SNCAIP: variants seen among roughly 807,000 people sequenced by gnomAD.
The protein encoded by SNCAIP is synphilin-1.
A neutral mutation model predicts 86.7 loss-of-function variants in SNCAIP; 43 were observed. The ratio of observed to expected loss-of-function variants is 0.50; its 90% CI spans 0.39 to 0.64. The LOEUF is 0.64. Among genes scored for constraint, SNCAIP ranks in the 30% least tolerant of loss-of-function variants. The pLI, the probability that SNCAIP is intolerant of heterozygous loss-of-function variation, is 0.00. For missense variants in SNCAIP, 981 were observed against 1,103.1 expected (o/e 0.89, Z 1.57); for synonymous variants, 417 against 427.2 (o/e 0.98, Z 0.29).
chr5:122,375,412 TG>T (rs1320180672), intron 1 of SNCAIP, among the ~76,000 whole-genome samples: 1 of 152,060 alleles, frequency 6.6e-6, no homozygotes, highest in Non-Finnish European at 1.5e-5. Flanking sequence ...TTGTTTTCAG[TG>T]TCTTCACATA....
At chr5:122,349,878 TCA>T (rs1759414243) in intron 1 of SNCAIP, among the ~76,000 whole-genome samples, 1 of 152,166 alleles carries the variant, frequency 6.6e-6, no homozygotes, top group African/African-American at 2.4e-5. Flanking sequence ...CTTATCTCTA[TCA>T]CAGTCTCTCC....
At position 122,450,691 on chromosome 5, in the gene SNCAIP, A is replaced by C. The variant is rs1783534998; in HGVS notation, c.1844A>C (p.Asp615Ala). ...SRARPKAKDE[D>A]SDKILRQLLG... ...GCTAGACCCAAAGCAAAAGATGAAGATTCTGATAAAATCTTACGCCAGTTA... is the reference window on the plus strand; with the variant it reads ...GCTAGACCCAAAGCAAAAGATGAAGCTTCTGATAAAATCTTACGCCAGTTA... The change falls in exon 10 of 11, where the codon GAT becomes GCT. Residue 615 changes from aspartate to alanine, a missense_variant. Transcript: ENST00000261368. 1.9e-6 allele frequency: 3 copies of C among 1,614,220 alleles called. No individual in the cohort carries two copies. Among genetic ancestry groups the C allele is most frequent in the Non-Finnish European group, 2.5e-6 (3 of 1,180,042 alleles).
At chr5:122,402,243 T>C (rs1771980067) in intron 2 of SNCAIP, among the ~76,000 whole-genome samples, 1 of 152,140 alleles carries the variant, frequency 6.6e-6, no homozygotes, top group South Asian at 2.1e-4. Context: ...CTTAGAGAGC[T>C]TGTACTTGGC....
chr5:122,312,863 A>G (rs1373579649), intron 1 of SNCAIP: 2 of 152,272 alleles, frequency 1.3e-5, no homozygotes, highest in African/African-American at 4.8e-5. Flanking sequence ...CGTGGATTTC[A>G]GAGGGGAATG....
chr5:122,325,053 C>G (rs1045849611), intron 1 of SNCAIP, among the ~76,000 whole-genome samples: 14 of 152,086 alleles, frequency 9.2e-5, no homozygotes, highest in African/African-American at 3.1e-4. Context: ...GCGTATTGAA[C>G]CCCTCAGTAT....
chr5:122,431,642 G>A (rs1477295697), intron 5 of SNCAIP, among the ~76,000 whole-genome samples: 1 of 152,022 alleles, frequency 6.6e-6, no homozygotes, highest in African/African-American at 2.4e-5. Context: ...AGTTACAGGA[G>A]TATACATATT....
intron 1 of SNCAIP, chr5:122,323,357 G>C (rs1753375019): frequency 6.6e-6 from 1 of 152,234 alleles, no homozygotes; most frequent in Non-Finnish European, 1.5e-5. Context: ...ACTGGATGTA[G>C]TACAGTGTTT....
Position 122,385,903 on chromosome 5 carries a change from G to A in SNCAIP, c.-46-5186G>A, listed in dbSNP as rs151156459. Among the ~76,000 whole-genome samples the A allele has an allele frequency of 7.7e-3, 1,166 of 152,226 alleles. 4 individuals carry two copies. Among genetic ancestry groups the A allele is most frequent in the South Asian group, 0.017 (84 of 4,820 alleles). On this transcript the variant is annotated intron_variant, in intron 1 of 10. Transcript: ENST00000261368. ...GGTAAATGGAGCAATAGCGACTTTG[G>A]CAGAAAAGGAGAAATCTGTGTAACA...
At chr5:122,381,059 G>A (rs1365966634) in intron 1 of SNCAIP, among the ~76,000 whole-genome samples, 3 of 149,876 alleles carry the variant, frequency 2.0e-5, no homozygotes, top group Non-Finnish European at 2.9e-5. Flanking sequence ...TATTAGGTCC[G>A]CTTGGTGCAG....
At chr5:122,430,134 T>G (rs1392361885) in intron 5 of SNCAIP, among the ~76,000 whole-genome samples, 1 of 152,194 alleles carries the variant, frequency 6.6e-6, no homozygotes, top group African/African-American at 2.4e-5. Flanking sequence ...TACCTCATTG[T>G]CCTCCTTTTA....
chr5:122,345,401 A>G (rs993300934), intron 1 of SNCAIP, among the ~76,000 whole-genome samples: 20 of 152,180 alleles, frequency 1.3e-4, no homozygotes, highest in African/African-American at 4.8e-4. Flanking sequence ...AAAAAGTCCT[A>G]AAGAGGCTAG....
chr5:122,409,934 C>T (rs1052911954), intron 3 of SNCAIP, among the ~76,000 whole-genome samples: 1 of 152,158 alleles, frequency 6.6e-6, no homozygotes, highest in African/African-American at 2.4e-5. Flanking sequence ...TAATCCATTT[C>T]ACAGGATGTA....
intron 10 of SNCAIP, among the ~76,000 whole-genome samples, chr5:122,453,238 A>G (rs757676873): frequency 6.6e-5 from 10 of 152,158 alleles, no homozygotes; most frequent in Non-Finnish European, 1.2e-4. Flanking sequence ...TCAGTTCACA[A>G]ACTTTTGCTG....
chr5:122,424,996 T>A (rs1004755975), intron 4 of SNCAIP, among the ~76,000 whole-genome samples: 2 of 152,254 alleles, frequency 1.3e-5, no homozygotes, highest in Non-Finnish European at 1.5e-5. Context: ...GAACAGGGAA[T>A]AAAACCCAGC....
chr5:122,412,981 CCTAACT>C (rs1237879625), intron 3 of SNCAIP, among the ~76,000 whole-genome samples: 13 of 152,152 alleles, frequency 8.5e-5, no homozygotes, highest in Non-Finnish European at 1.2e-4. Flanking sequence ...TGTGTTGAGA[CCTAACT>C]CTCAAGATGA....
chr5:122,311,393 C>G (rs1750571617), upstream of SNCAIP: 1 of 152,388 alleles, frequency 6.6e-6, no homozygotes, highest in Non-Finnish European at 1.5e-5. Context: ...CACCCTTGCC[C>G]TCCTCTCCTT....
At chr5:122,335,858 C>A (rs949327398) in intron 1 of SNCAIP, among the ~76,000 whole-genome samples, 5 of 152,228 alleles carry the variant, frequency 3.3e-5, no homozygotes, top group Non-Finnish European at 5.9e-5. Flanking sequence ...CAGGGCAATT[C>A]GTATAGAAAG....
chr5:122,325,028 G>A (rs913097437), intron 1 of SNCAIP, among the ~76,000 whole-genome samples: 1 of 152,154 alleles, frequency 6.6e-6, no homozygotes, highest in African/African-American at 2.4e-5. Context: ...GGCTTACTGT[G>A]TGTGATTTGG....
chr5:122,338,429 A>C (rs1437672019), intron 1 of SNCAIP, among the ~76,000 whole-genome samples: 1 of 152,186 alleles, frequency 6.6e-6, no homozygotes, highest in Non-Finnish European at 1.5e-5. Flanking sequence ...TATTAATCTA[A>C]AGGTCCCTAA....
Sources: allele counts gnomAD v4.1 joint callset (sites outside exome capture counted in the v4.1 genomes callset), GRCh38; gene constraint gnomAD v4.1.1; transcripts MANE v1.5; gene names NCBI Gene and HGNC (gene_info 2026-07-23, HGNC 2026-07-21).